Variants in NEK11 observed in about 807,000 individuals in gnomAD.
NEK11 encodes NIMA related kinase 11, also known as serine/threonine-protein kinase Nek11.
In NEK11, 72 loss-of-function variants were observed where a neutral mutation model predicts 80.7. The ratio of observed to expected loss-of-function variants is 0.89; its 90% CI spans 0.74 to 1.08. NEK11 has a LOEUF of 1.08. Ranked by LOEUF, NEK11 falls within the 50% of genes least tolerant of loss-of-function variation. The pLI is 0.00. For missense variants in NEK11, 764 were observed against 763.6 expected (o/e 1.00, Z -0.01); for synonymous variants, 251 against 260.7 (o/e 0.96, Z 0.36).
At chr3:131,219,534 G>A (rs767164108) in intron 14 of NEK11, among the ~76,000 whole-genome samples, 9 of 142,546 alleles carry the variant, frequency 6.3e-5, no homozygotes, top group Non-Finnish European at 1.2e-4. Context: ...TTCTGCACAT[G>A]TATCCCCAAA....
intron 3 of NEK11, among the ~76,000 whole-genome samples, chr3:131,077,979 G>A (rs770698463): frequency 2.6e-5 from 4 of 152,172 alleles, no homozygotes; most frequent in African/African-American, 4.8e-5. Context: ...GTGAAAACAC[G>A]TTAGGGGAAG....
chr3:131,334,157 G>A (rs1010361535), intron 17 of NEK11, among the ~76,000 whole-genome samples: 7 of 152,174 alleles, frequency 4.6e-5, no homozygotes, highest in African/African-American at 1.2e-4. Context: ...CAAATCAACA[G>A]AATATACATT....
At chr3:131,077,544 T>C (rs2074564327) in intron 3 of NEK11, among the ~76,000 whole-genome samples, 1 of 152,208 alleles carries the variant, frequency 6.6e-6, no homozygotes, top group Non-Finnish European at 1.5e-5. Context: ...TTGCTCATGC[T>C]CTGCTGCACA....
chr3:131,113,331 A>G (rs1578440114), intron 5 of NEK11, among the ~76,000 whole-genome samples: 1 of 152,116 alleles, frequency 6.6e-6, no homozygotes, highest in South Asian at 2.1e-4. Context: ...GTTAGAAGTG[A>G]GGCTCTGGAT....
intron 3 of NEK11, among the ~76,000 whole-genome samples, chr3:131,041,376 A>G (rs965629299): frequency 6.6e-6 from 1 of 152,256 alleles, no homozygotes; most frequent in Non-Finnish European, 1.5e-5. Flanking sequence ...GCTTTAAAGC[A>G]GTTGACTATT....
intron 17 of NEK11, among the ~76,000 whole-genome samples, chr3:131,277,523 T>G (rs1581282896): frequency 6.6e-6 from 1 of 152,256 alleles, no homozygotes; most frequent in East Asian, 1.9e-4. Flanking sequence ...GCTTACTTAG[T>G]GTGTGACAGT....
At chr3:131,298,855 TCTC>T (rs916165954) in intron 17 of NEK11, among the ~76,000 whole-genome samples, 1 of 152,026 alleles carries the variant, frequency 6.6e-6, no homozygotes, top group African/African-American at 2.4e-5. Context: ...TTCTCTCTGT[TCTC>T]CTTCTAGTAT....
At chr3:131,243,806 T>C (rs569977073) in intron 16 of NEK11, among the ~76,000 whole-genome samples, 1 of 152,202 alleles carries the variant, frequency 6.6e-6, no homozygotes, top group South Asian at 2.1e-4. Context: ...GGAACCTCCC[T>C]ACCTAACTTG....
chr3:131,048,167 G>T (rs1035045126), intron 3 of NEK11, among the ~76,000 whole-genome samples: 5 of 152,142 alleles, frequency 3.3e-5, no homozygotes, highest in Non-Finnish European at 7.4e-5. Flanking sequence ...GGCAGCGGGT[G>T]AACAGAGCTG....
chr3:131,138,974 A>G (rs2086241866), intron 7 of NEK11, among the ~76,000 whole-genome samples: 1 of 152,084 alleles, frequency 6.6e-6, no homozygotes, highest in Non-Finnish European at 1.5e-5. Context: ...CCAGGCACTG[A>G]TGAACATTCA....
At chr3:131,328,441 C>T (rs1460026752) in intron 17 of NEK11, 1 of 152,156 alleles carries the variant, frequency 6.6e-6, no homozygotes, top group Non-Finnish European at 1.5e-5. Flanking sequence ...CCTCTGCCTT[C>T]AAGGGTCGCC....
intron 10 of NEK11, among the ~76,000 whole-genome samples, chr3:131,157,225 T>G (rs1385939520): frequency 6.6e-6 from 1 of 152,158 alleles, no homozygotes; most frequent in Non-Finnish European, 1.5e-5. Context: ...TCCTTAAAAT[T>G]TTGCTATTGT....
intron 17 of NEK11, among the ~76,000 whole-genome samples, chr3:131,293,011 A>G (rs1430500801): frequency 1.3e-5 from 2 of 152,146 alleles, no homozygotes; most frequent in Non-Finnish European, 2.9e-5. Flanking sequence ...TAAATTTTCT[A>G]CATAGACAAT....
chr3:131,181,371 C>G (rs915742484), intron 14 of NEK11, among the ~76,000 whole-genome samples: 1 of 152,180 alleles, frequency 6.6e-6, no homozygotes, highest in African/African-American at 2.4e-5. Context: ...TTGGATCCCC[C>G]AGAAAGGAAG....
chr3:131,173,703 AT>A (rs2092830596), intron 14 of NEK11, among the ~76,000 whole-genome samples: 1 of 151,978 alleles, frequency 6.6e-6, no homozygotes, highest in Non-Finnish European at 1.5e-5. Flanking sequence ...CTCTTTGCTA[AT>A]TTTTGTGAAC....
At chr3:131,168,775 A>T (rs2092464771) in intron 12 of NEK11, 55 bp from the exon 13 acceptor site, 1 of 1,315,412 alleles carries the variant, frequency 7.6e-7, no homozygotes, top group African/African-American at 1.5e-5. Flanking sequence ...TCACCTCTAG[A>T]TGAAGAAAGA....
intron 17 of NEK11, among the ~76,000 whole-genome samples, chr3:131,293,801 T>A (rs1376466447): frequency 1.3e-5 from 2 of 152,154 alleles, no homozygotes; most frequent in Non-Finnish European, 2.9e-5. Flanking sequence ...GTATGAGTTT[T>A]AGCAACTTGT....
intron 14 of NEK11, among the ~76,000 whole-genome samples, chr3:131,223,814 C>T (rs2095105734): frequency 6.6e-6 from 1 of 152,116 alleles, no homozygotes; most frequent in Non-Finnish European, 1.5e-5. Flanking sequence ...GGTGAAATGC[C>T]TGCGGGTTCC....
At chr3:131,061,490 G>T (rs1417309646) in intron 3 of NEK11, among the ~76,000 whole-genome samples, 2 of 152,092 alleles carry the variant, frequency 1.3e-5, no homozygotes, top group East Asian at 3.9e-4. Flanking sequence ...GTGTATCTCG[G>T]TGTTGGCTAT....
Sources: allele counts gnomAD v4.1 joint callset (sites outside exome capture counted in the v4.1 genomes callset), GRCh38; gene constraint gnomAD v4.1.1; transcripts MANE v1.5; gene names NCBI Gene and HGNC (gene_info 2026-07-23, HGNC 2026-07-21).